Variants in FREM2 observed in about 807,000 individuals in gnomAD.
FREM2 encodes the protein FRAS1 related extracellular matrix 2, also known as FRAS1-related extracellular matrix protein 2.
A neutral mutation model predicts 219.9 loss-of-function variants in FREM2; 119 were observed. The observed-to-expected ratio is 0.54, with a 90% CI of 0.47 to 0.63. FREM2 has a LOEUF of 0.63. FREM2 is among the 30% of genes least tolerant of loss of function. FREM2 has a pLI of 0.00. For missense variants in FREM2, 4,030 were observed against 3,993.6 expected, an observed-to-expected ratio of 1.01 and a Z score of -0.25; for synonymous variants, 1,562 against 1,522.8, an observed-to-expected ratio of 1.03 and a Z score of -0.60.
At chr13:38,793,369 G>A (rs1006084262) in intron 6 of FREM2, among the ~76,000 whole-genome samples, 1 of 152,184 alleles carries the variant, frequency 6.6e-6, no homozygotes, top group African/African-American at 2.4e-5. Flanking sequence ...CTTTGAGGAT[G>A]ATATCAAGGT....
intron 6 of FREM2, among the ~76,000 whole-genome samples, chr13:38,819,795 A>C (rs1875965182): frequency 6.6e-6 from 1 of 152,152 alleles, no homozygotes; most frequent in African/African-American, 2.4e-5. Flanking sequence ...GTGGTTGGAT[A>C]ACTTGCCCAA....
At chr13:38,812,463 T>C (rs1170762719) in intron 6 of FREM2, among the ~76,000 whole-genome samples, 1 of 152,212 alleles carries the variant, frequency 6.6e-6, no homozygotes, top group Non-Finnish European at 1.5e-5. Context: ...ATCCATTGTA[T>C]GCTTTTTGAT....
At chr13:38,813,706 A>G (rs1875637502) in intron 6 of FREM2, among the ~76,000 whole-genome samples, 1 of 150,330 alleles carries the variant, frequency 6.7e-6, no homozygotes, top group Admixed American at 6.6e-5. Context: ...TTGGTGTTCT[A>G]TAACCTTCTC....
In FREM2 at chr13:38,846,722, G is replaced by T; in HGVS notation, c.6169G>T (p.Ala2057Ser). The change falls in exon 7 of 24, where the codon GCT becomes TCT. Residue 2057 changes from alanine to serine, a missense_variant and splice_region_variant. Ala to Ser is a moderately conservative substitution (Grantham distance 99). This residue lies in a region of FREM2 where 3,102 missense variants were observed against 2,950.7 expected (regional missense o/e 1.05). Coordinates refer to ENST00000280481, the MANE Select transcript of FREM2 (RefSeq NM_207361.6). The stretch of plus-strand genomic sequence containing the variant: ...GAAAACAGATCCTCCCTCTGCAGAT[G>T]GTGAGCAGTTTCCCACTCGGCTCTT... ...SRKTDPPSAD[A>S]GTDYVGISRN... 6.2e-7 allele frequency: 1 copy of T among 1,613,582 alleles called. No individual in the cohort carries two copies. Among genetic ancestry groups the T allele is most frequent in the Non-Finnish European group, 8.5e-7 (1 of 1,179,660 alleles).
At position 38,712,553 on chromosome 13, in the gene FREM2, C is replaced by T. The variant is rs143194825; in HGVS notation, c.5263+14766C>T. 2.0e-3 allele frequency among the ~76,000 whole-genome samples: 303 copies of T among 152,046 alleles called. 2 individuals carry two copies. The highest frequency in any genetic ancestry group is 6.9e-3 in the African/African-American group (288 of 41,492). On this transcript the variant is annotated intron_variant, in intron 2 of 23. Coordinates refer to ENST00000280481, the MANE Select transcript of FREM2 (RefSeq NM_207361.6). ...TTTTGTACCCATTTCAATTTTTATC[C>T]TATCAGTTGCCCTAAGGCAGGCAGA... is the stretch of plus-strand genomic sequence containing the variant.
chr13:38,844,798 C>T (rs879472598), intron 6 of FREM2, among the ~76,000 whole-genome samples: 5 of 152,192 alleles, frequency 3.3e-5, no homozygotes, highest in Non-Finnish European at 5.9e-5. Context: ...GATCAAGCCT[C>T]TGTGATAGTT....
intron 9 of FREM2, 86 bp from the exon 10 acceptor site, chr13:38,850,858 A>G: frequency 6.6e-7 from 1 of 1,503,868 alleles, no homozygotes. Flanking sequence ...AGGGAAAATC[A>G]ACAAACTTGC....
At chr13:38,706,554 TAGATAC>T (rs1313485761) in intron 2 of FREM2, among the ~76,000 whole-genome samples, 1 of 151,736 alleles carries the variant, frequency 6.6e-6, no homozygotes, top group African/African-American at 2.4e-5. Flanking sequence ...TGTGTGTATG[TAGATAC>T]TCCTAACAAG....
chr13:38,838,978 C>T (rs750642323), intron 6 of FREM2, among the ~76,000 whole-genome samples: 2 of 152,180 alleles, frequency 1.3e-5, no homozygotes, highest in African/African-American at 2.4e-5. Context: ...CAAACTCATT[C>T]TACACCCAGT....
chr13:38,748,602 T>C (rs1359800238), intron 2 of FREM2, among the ~76,000 whole-genome samples: 1 of 152,186 alleles, frequency 6.6e-6, no homozygotes, highest in Non-Finnish European at 1.5e-5. Context: ...AAATGCTGTG[T>C]GCTCCAATCC....
At position 38,691,266 on chromosome 13, in the gene FREM2, A is replaced by T; in HGVS notation, c.3922A>T (p.Ile1308Phe). ...PVDDETPRMT[I>F]NNGLEIEIGD... ...TGATGATGAGACGCCCAGAATGACTATCAATAATGGACTAGAAATAGAAAT... is the reference window on the plus strand; with the variant it reads ...TGATGATGAGACGCCCAGAATGACTTTCAATAATGGACTAGAAATAGAAAT... The change falls in exon 1 of 24, where the codon ATC becomes TTC. Residue 1308 changes from isoleucine to phenylalanine, a missense_variant. Physicochemically the swap from Ile to Phe is conservative, Grantham distance 21. Coordinates refer to ENST00000280481, the MANE Select transcript of FREM2 (RefSeq NM_207361.6). 6.2e-7 allele frequency: 1 copy of T among 1,613,908 alleles called. No individual in the cohort carries two copies. Among genetic ancestry groups the T allele is most frequent in the Non-Finnish European group, 8.5e-7 (1 of 1,179,780 alleles).
At chr13:38,820,856 T>G (rs1334955832) in intron 6 of FREM2, among the ~76,000 whole-genome samples, 8 of 152,150 alleles carry the variant, frequency 5.3e-5, no homozygotes. Flanking sequence ...CTATGATTAT[T>G]TTAAGTCTAG....
intron 6 of FREM2, among the ~76,000 whole-genome samples, chr13:38,844,924 A>C (rs902970146): frequency 3.3e-5 from 5 of 152,352 alleles, no homozygotes; most frequent in Middle Eastern, 3.4e-3. Flanking sequence ...GGGAAATGTC[A>C]GGAATGTATT....
chr13:38,842,988 A>G (rs935760312), intron 6 of FREM2, among the ~76,000 whole-genome samples: 1 of 152,168 alleles, frequency 6.6e-6, no homozygotes, highest in Non-Finnish European at 1.5e-5. Context: ...TCCTTTATTT[A>G]AAAGTATAAA....
intron 6 of FREM2, among the ~76,000 whole-genome samples, chr13:38,832,962 C>T (rs1366568892): frequency 1.3e-5 from 2 of 151,916 alleles, no homozygotes; most frequent in Non-Finnish European, 1.5e-5. Flanking sequence ...TTGCTTAAGC[C>T]CAGGAGGTGG....
chr13:38,690,471 T>C lies in FREM2; in HGVS notation c.3127T>C (p.Trp1043Arg), dbSNP rs765354499. 6.2e-7 allele frequency: 1 copy of C among 1,614,224 alleles called. No homozygotes were observed. Among genetic ancestry groups the C allele is most frequent in the Non-Finnish European group, 8.5e-7 (1 of 1,180,038 alleles). Residue 1043 changes from tryptophan to arginine, a missense_variant, in exon 1 of 24, where the codon TGG becomes CGG. Trp to Arg is a moderately radical substitution (Grantham distance 101). Around this residue, in one of 2 missense-constraint regions of FREM2, gnomAD observed 3,102 missense variants for 2,950.7 expected, o/e 1.05. Transcript: ENST00000280481. ...GAGTCTGTCAGATATGTCTCAAGAATGGAGAATTGGTGGCAATACTATCCA... is the reference window on the plus strand; with the variant it reads ...GAGTCTGTCAGATATGTCTCAAGAACGGAGAATTGGTGGCAATACTATCCA... Reference protein sequence around the residue: ...NLSLSDMSQEWRIGGNTIQGV... With the variant: ...NLSLSDMSQERRIGGNTIQGV...
intron 1 of FREM2, among the ~76,000 whole-genome samples, chr13:38,693,937 G>A (rs965389981): frequency 4.6e-5 from 7 of 152,268 alleles, no homozygotes; most frequent in African/African-American, 1.2e-4. Context: ...TGAGGCTAGC[G>A]ATGCCATGCC....
intron 2 of FREM2, among the ~76,000 whole-genome samples, chr13:38,747,496 A>G (rs1872534711): frequency 9.0e-6 from 1 of 111,078 alleles, no homozygotes. Flanking sequence ...ATATACACAA[A>G]TACACACACA....
chr13:38,844,912 G>A (rs1041338493), intron 6 of FREM2, among the ~76,000 whole-genome samples: 5 of 152,218 alleles, frequency 3.3e-5, no homozygotes, highest in African/African-American at 1.2e-4. Flanking sequence ...CTACCTCAGT[G>A]TGGGAAATGT....
Sources: allele counts gnomAD v4.1 joint callset (sites outside exome capture counted in the v4.1 genomes callset), GRCh38; gene constraint gnomAD v4.1.1; regional missense constraint gnomAD v4.1.1; transcripts MANE v1.5; gene names NCBI Gene and HGNC (gene_info 2026-07-23, HGNC 2026-07-21).